The following DNM3 variants were observed in gnomAD, a reference collection of about 807,000 sequenced individuals.
DNM3 encodes dynamin 3, also known as dynamin-3.
In DNM3, 47 loss-of-function variants were observed where a neutral mutation model predicts 101.6. The observed-to-expected ratio is 0.46, with a 90% confidence interval of 0.37 to 0.59. The LOEUF is 0.59. DNM3 is among the 20% of genes least tolerant of loss of function. DNM3 has a pLI of 0.00. For synonymous variants in DNM3, 385 were observed against 387.9 expected, an observed-to-expected ratio of 0.99 and a Z score of 0.09; for missense variants, 849 against 1,085.7, an observed-to-expected ratio of 0.78 and a Z score of 3.06.
chr1:172,302,326 C>T (rs990656188), intron 15 of DNM3, among the ~76,000 whole-genome samples: 1 of 152,188 alleles, frequency 6.6e-6, no homozygotes, highest in Non-Finnish European at 1.5e-5. Flanking sequence ...GGAGGGGTGT[C>T]CCCCATTGCT....
At chr1:172,043,010 C>T (rs2049502602) in intron 8 of DNM3, among the ~76,000 whole-genome samples, 1 of 152,070 alleles carries the variant, frequency 6.6e-6, no homozygotes, top group African/African-American at 2.4e-5. Context: ...ATTTTACAGG[C>T]CCCCTTGAAG....
In DNM3 at chr1:172,048,687, C is replaced by G; in HGVS notation, c.1272C>G (p.Ser424=). Reference sequence around the variant, plus strand: ...AGATTGTAAAGTTGAAAGGGCCTTCCTTGAAGAGTGTGGATCTGGTAATAC... The same window carrying G: ...AGATTGTAAAGTTGAAAGGGCCTTCGTTGAAGAGTGTGGATCTGGTAATAC... ...KKQIVKLKGP[S]LKSVDLVIQE... is the part of the protein sequence containing the mutation. Residue 424 remains serine, a synonymous_variant, in exon 10 of 21, where the codon TCC becomes TCG. Transcript: ENST00000627582. The G allele has an allele frequency of 6.2e-7, 1 of 1,613,610 alleles. No individual in the cohort carries two copies. Among genetic ancestry groups the G allele is most frequent in the Non-Finnish European group, 8.5e-7 (1 of 1,179,678 alleles).
At chr1:172,254,812 G>T (rs540591395) in intron 15 of DNM3, among the ~76,000 whole-genome samples, 51 of 152,164 alleles carry the variant, frequency 3.4e-4, no homozygotes, top group Non-Finnish European at 6.5e-4. Context: ...TATAAAAGGG[G>T]TACAACTAGG....
At chr1:171,927,138 A>G (rs1024304748) in intron 2 of DNM3, among the ~76,000 whole-genome samples, 8 of 152,254 alleles carry the variant, frequency 5.3e-5, no homozygotes, top group African/African-American at 1.9e-4. Flanking sequence ...GATCACATGT[A>G]TAGAAAAACT....
In DNM3 at chr1:172,098,196, C is replaced by T. The variant is rs116637997; in HGVS notation, c.1545+5321C>T. Among the ~76,000 whole-genome samples, 1,483 of 152,246 alleles carry T rather than the reference C, an allele frequency of 9.7e-3. 25 individuals are homozygous for T. Among genetic ancestry groups the T allele is most frequent in the African/African-American group, 0.034 (1,411 of 41,538 alleles). On this transcript the variant is annotated intron_variant, in intron 13 of 20. Coordinates refer to ENST00000627582, the MANE Select transcript of DNM3 (RefSeq NM_015569.5). ...CTGGGAGCGATACGGGAGACTAGGG[C>T]TTATTTCATCTCTACAGCTTCGACC...
chr1:172,314,467 G>C (rs1392151769), intron 16 of DNM3, among the ~76,000 whole-genome samples: 1 of 152,092 alleles, frequency 6.6e-6, no homozygotes, highest in East Asian at 1.9e-4. Flanking sequence ...AGGGGTCAAG[G>C]AGTTCCCTTT....
chr1:172,163,986 C>T (rs1225452305), intron 14 of DNM3, among the ~76,000 whole-genome samples: 2 of 142,170 alleles, frequency 1.4e-5, no homozygotes, highest in Admixed American at 7.0e-5. Context: ...CACACACACA[C>T]ATCTCACATT....
chr1:171,871,013 G>T (rs1259987524), intron 1 of DNM3, among the ~76,000 whole-genome samples: 2 of 152,166 alleles, frequency 1.3e-5, no homozygotes, highest in East Asian at 1.9e-4. Context: ...TGGGCAGAGG[G>T]TTGACTAAAG....
chr1:172,334,030 A>C (rs2066308746), intron 17 of DNM3, among the ~76,000 whole-genome samples: 1 of 152,224 alleles, frequency 6.6e-6, no homozygotes, highest in Admixed American at 6.5e-5. Flanking sequence ...TAAAATCTTA[A>C]CTAAAGATCA....
At chr1:171,890,807 AAAAC>A (rs1398320656) in intron 1 of DNM3, among the ~76,000 whole-genome samples, 10 of 152,164 alleles carry the variant, frequency 6.6e-5, no homozygotes, top group African/African-American at 1.7e-4. Context: ...AGCAAAAAAC[AAAAC>A]AAACAAACAA....
chr1:172,132,610 T>A (rs1401391174), intron 14 of DNM3, among the ~76,000 whole-genome samples: 2 of 152,156 alleles, frequency 1.3e-5, no homozygotes, highest in Non-Finnish European at 2.9e-5. Context: ...ATAAGGTATT[T>A]CTATTAGATA....
chr1:172,328,533 C>T (rs2066038072), intron 17 of DNM3, among the ~76,000 whole-genome samples: 1 of 152,104 alleles, frequency 6.6e-6, no homozygotes, highest in Non-Finnish European at 1.5e-5. Flanking sequence ...AACAGAAAAC[C>T]AAATACCAAA....
intron 14 of DNM3, among the ~76,000 whole-genome samples, chr1:172,211,230 G>A (rs943836132): frequency 5.3e-5 from 8 of 152,018 alleles, no homozygotes; most frequent in African/African-American, 1.4e-4. Flanking sequence ...GACAGAGAGC[G>A]AGATTTTTCT....
intron 13 of DNM3, among the ~76,000 whole-genome samples, chr1:172,113,476 C>T (rs750614059): frequency 1.3e-5 from 2 of 152,010 alleles, no homozygotes; most frequent in East Asian, 1.9e-4. Flanking sequence ...AAAAATTAGT[C>T]GGGCCTGGTG....
chr1:172,340,160 T>G (rs2066622985), intron 17 of DNM3, among the ~76,000 whole-genome samples: 1 of 152,158 alleles, frequency 6.6e-6, no homozygotes, highest in Non-Finnish European at 1.5e-5. Flanking sequence ...GGCAAGGACC[T>G]GAACCAAGGA....
chr1:172,042,102 C>T lies in DNM3; in HGVS notation c.1086C>T (p.Ile362=). The T allele has an allele frequency of 6.2e-7, 1 of 1,609,930 alleles. No individual in the cohort carries two copies. Among genetic ancestry groups the T allele is most frequent in the South Asian group, 1.1e-5 (1 of 89,948 alleles). Residue 362 remains isoleucine (I), a synonymous_variant, in exon 8 of 21, where the codon ATC becomes ATT. Coordinates refer to ENST00000627582, the MANE Select transcript of DNM3 (RefSeq NM_015569.5). ...DTLELSGGAK[I]NRIFHERFPF... ...TGGAACTCTCAGGTGGTGCTAAAATCAATCGTATTTTTCATGAACGCTTTC... is the reference window on the plus strand; with the variant it reads ...TGGAACTCTCAGGTGGTGCTAAAATTAATCGTATTTTTCATGAACGCTTTC...
In DNM3 at chr1:172,412,217, C is replaced by CTT; in HGVS notation, c.*4380_*4381dup. ...ATGGCTCAACTCAAGTCATTAATCT[C>CTT]TTTTTAATTTTTACTCTTGAATTCC... On this transcript the variant is annotated 3_prime_UTR_variant, in exon 21 of 21. Transcript: ENST00000627582. 1 of 985,518 alleles carries CTT rather than the reference C, an allele frequency of 1.0e-6. No homozygotes were observed. The highest frequency in any genetic ancestry group is 6.1e-5 in the Admixed American group (1 of 16,280). 61.0% of individuals were successfully genotyped at this position (985,518 alleles called of 1,614,324 possible).
Position 172,408,705 on chromosome 1 carries a change from A to G in DNM3, c.*864A>G, listed in dbSNP as rs2071053128. 3.0e-6 allele frequency: 3 copies of G among 984,524 alleles called. No individual in the cohort carries two copies. The highest frequency in any genetic ancestry group is 3.6e-6 in the Non-Finnish European group (3 of 829,266). The allele number at this position is 984,524 out of a possible 1,614,324, so 61.0% of individuals were successfully genotyped here. A position where few individuals can be genotyped will look rare whatever the true frequency, so the allele number is the denominator to read the frequency against. Reference sequence around the variant, plus strand: ...ACTTTTCTATTTGGCATAGCTAACTACACTTTGATACTAACTCCAGTTTTA... The same window carrying G: ...ACTTTTCTATTTGGCATAGCTAACTGCACTTTGATACTAACTCCAGTTTTA... On this transcript the variant is annotated 3_prime_UTR_variant, in exon 21 of 21. Coordinates refer to ENST00000627582, the MANE Select transcript of DNM3 (RefSeq NM_015569.5).
In DNM3 at chr1:172,194,561, A is replaced by G. The variant is rs2059874809; in HGVS notation, c.1660-59012A>G. Among the ~76,000 whole-genome samples, 7 of 152,252 alleles carry G rather than the reference A, an allele frequency of 4.6e-5. No individual in the cohort carries two copies. In the South Asian group the frequency reaches 1.2e-3, roughly 27 times the overall value. ...GGGTGCTCCTGTATTGGGTGCATAT[A>G]TATTTAGGATAGTTAGCTCTTCTTG... On this transcript the variant is annotated intron_variant, in intron 14 of 20. Transcript: ENST00000627582.
Sources: gnomAD v4.1 joint callset for allele counts (sites outside exome capture counted in the v4.1 genomes callset) on GRCh38, gnomAD v4.1.1 for gene constraint, MANE v1.5 for transcripts, NCBI Gene and HGNC (gene_info 2026-07-23, HGNC 2026-07-21) for gene names.